The following TOMM70 variants were observed in gnomAD, a reference collection of about 807,000 sequenced individuals.
TOMM70 encodes translocase of outer mitochondrial membrane 70, also known as mitochondrial import receptor subunit TOM70.
In TOMM70, 13 loss-of-function variants were observed where a neutral mutation model predicts 73.6. The ratio of observed to expected loss-of-function variants is 0.18; its 90% CI spans 0.11 to 0.28. The LOEUF (loss-of-function observed/expected upper bound fraction) is 0.28, where lower values mean the gene tolerates loss of function less well. Among genes scored for constraint, TOMM70 ranks in the 10% least tolerant of loss-of-function variants. The pLI, the probability that TOMM70 is intolerant of heterozygous loss-of-function variation, is 1.00. For synonymous variants in TOMM70, 257 were observed against 271.2 expected, an observed-to-expected ratio of 0.95 and a Z score of 0.51; for missense variants, 609 against 747.5, an observed-to-expected ratio of 0.81 and a Z score of 2.16.
chr3:100,375,248 A>G, intron 6 of TOMM70, 96 bp from the exon 7 acceptor site: 1 of 1,402,132 alleles, frequency 7.1e-7, no homozygotes, highest in Non-Finnish European at 9.4e-7. Flanking sequence ...TCCACATATC[A>G]CAAAGGTCAC....
At position 100,369,093 on chromosome 3, in the gene TOMM70, A is replaced by T; in HGVS notation, c.1495T>A (p.Tyr499Asn). The T allele has an allele frequency of 6.2e-7, 1 of 1,613,580 alleles. No homozygotes were observed. The highest frequency in any genetic ancestry group is 8.5e-7 in the Non-Finnish European group (1 of 1,179,732). ...QQQFGKADEM[Y>N]DKCIDLEPDN... ...GGTTCCAAATCAATACATTTATCAT[A>T]CATTTCATCAGCTTTACCAAACTGT... is the stretch of plus-strand genomic sequence containing the variant. Residue 499 changes from tyrosine to asparagine, a missense_variant, in exon 10 of 12, where the codon TAT (tyrosine) becomes AAT (asparagine). Around this residue, in one of 2 missense-constraint regions of TOMM70, gnomAD observed 432 missense variants for 584.1 expected, o/e 0.74. Transcript: ENST00000284320.
In TOMM70 at chr3:100,387,030, G is replaced by A. The variant is rs963348150; in HGVS notation, c.325-52C>T. 4 of 1,557,610 alleles carry A rather than the reference G, an allele frequency of 2.6e-6. No homozygotes were observed. The African/African-American group carries it at 4.1e-5, about 16-fold the overall frequency. On this transcript the variant is annotated intron_variant, in intron 1 of 11. Transcript: ENST00000284320. ...ACACTAATCAACATTCACAGACTCA[G>A]ACCACAGTAATTAAACAATAAATTG...
chr3:100,393,474 T>TA (rs150068388), intron 1 of TOMM70, among the ~76,000 whole-genome samples: 17,054 of 151,174 alleles, frequency 0.11, 1,451 homozygotes, highest in African/African-American at 0.24. Context: ...TGTAAGTGAT[T>TA]AAAAAAAAAC....
intron 1 of TOMM70, among the ~76,000 whole-genome samples, chr3:100,400,047 C>A (rs926464154): frequency 3.3e-5 from 5 of 152,136 alleles, no homozygotes; most frequent in Admixed American, 6.5e-5. Context: ...AAAACAAATG[C>A]CACTGAACAC....
intron 1 of TOMM70, among the ~76,000 whole-genome samples, chr3:100,390,773 G>A (rs1239176411): frequency 6.6e-6 from 1 of 151,980 alleles, no homozygotes; most frequent in Admixed American, 6.6e-5. Context: ...AGGTTGTAGT[G>A]AGCCAAGATT....
chr3:100,373,986 T>C (rs1706537170), intron 7 of TOMM70, among the ~76,000 whole-genome samples: 1 of 152,202 alleles, frequency 6.6e-6, no homozygotes, highest in African/African-American at 2.4e-5. Flanking sequence ...ACCTTTCAAA[T>C]TAATCTTCAG....
chr3:100,365,251 T>TAA lies in TOMM70; in HGVS notation c.*311_*312dup. 2.4e-5 allele frequency: 6 copies of TAA among 245,902 alleles called. No homozygotes were observed. The highest frequency in any genetic ancestry group is 9.8e-5 in the South Asian group (1 of 10,158). The allele number at this position is 245,902 out of a possible 1,614,324, so 15.2% of individuals were successfully genotyped here. Reference sequence around the variant, plus strand: ...AACATAATCAACTGCCAACCCCCCTTAAAAAAAAAATCAACAAATCAGTTT... The same window carrying TAA: ...AACATAATCAACTGCCAACCCCCCTTAAAAAAAAAAAATCAACAAATCAGTTT... On this transcript the variant is annotated 3_prime_UTR_variant, in exon 12 of 12. Coordinates refer to ENST00000284320, the MANE Select transcript of TOMM70 (RefSeq NM_014820.5).
intron 5 of TOMM70, among the ~76,000 whole-genome samples, chr3:100,378,758 G>C (rs1248430060): frequency 1.3e-5 from 2 of 152,214 alleles, no homozygotes; most frequent in Non-Finnish European, 2.9e-5. Context: ...TGTAATCCCA[G>C]CACTTTGGGA....
At chr3:100,389,027 A>G (rs1379496625) in intron 1 of TOMM70, among the ~76,000 whole-genome samples, 2 of 148,688 alleles carry the variant, frequency 1.3e-5, no homozygotes, top group African/African-American at 2.6e-5. Context: ...AAGGAAAGGC[A>G]TAGAAAAAAA....
Position 100,387,599 on chromosome 3 carries a change from GACACACACACAC to G in TOMM70, c.325-633_325-622del, listed in dbSNP as rs71752325. 1.7e-4 allele frequency among the ~76,000 whole-genome samples: 20 copies of G among 118,216 alleles called. 1 individual carries two copies. Among genetic ancestry groups the G allele is most frequent in the East Asian group, 2.3e-4 (1 of 4,280 alleles). 77.6% of individuals were successfully genotyped at this position (118,216 alleles called of 152,430 possible). A position where few individuals can be genotyped will look rare whatever the true frequency, so the allele number is the denominator to read the frequency against. Reference sequence around the variant, plus strand: ...GCTAAAAGACACAGACACAGACACAGACACACACACACACACACACACACACACACACACACG... The same window carrying G: ...GCTAAAAGACACAGACACAGACACAGACACACACACACACACACACACACG... On this transcript the variant is annotated intron_variant, in intron 1 of 11. Coordinates refer to ENST00000284320, the MANE Select transcript of TOMM70 (RefSeq NM_014820.5).
Position 100,400,656 on chromosome 3 carries a change from G to T in TOMM70, c.294C>A (p.His98Gln), listed in dbSNP as rs1280693770. 5 of 1,612,382 alleles carry T rather than the reference G, an allele frequency of 3.1e-6. No individual in the cohort carries two copies. Among genetic ancestry groups the T allele is most frequent in the South Asian group, 1.1e-5 (1 of 90,994 alleles). The change falls in exon 1 of 12, where the codon CAC (histidine) becomes CAA (glutamine). Residue 98 changes from histidine to glutamine, a missense_variant. This residue lies in a region of TOMM70 where 177 missense variants were observed against 163.5 expected (regional missense o/e 1.08). Coordinates refer to ENST00000284320, the MANE Select transcript of TOMM70 (RefSeq NM_014820.5). Reference protein sequence around the residue: ...GRASPAPGSGHPEGPGAHLDM... With the variant: ...GRASPAPGSGQPEGPGAHLDM... ...CCAAGTGAGCACCGGGACCTTCAGG[G>T]TGTCCGCTGCCCGGGGCCGGACTGG...
intron 4 of TOMM70, among the ~76,000 whole-genome samples, chr3:100,384,006 G>C (rs1269206380): frequency 6.6e-6 from 1 of 152,124 alleles, no homozygotes; most frequent in Non-Finnish European, 1.5e-5. Flanking sequence ...GTTAATAATA[G>C]CCTAAAACTA....
intron 5 of TOMM70, 108 bp downstream of exon 5, chr3:100,381,500 CTATCTGT>C: frequency 1.5e-6 from 1 of 649,582 alleles, no homozygotes; most frequent in Non-Finnish European, 2.3e-6. Flanking sequence ...CTGTCTATCT[CTATCTGT>C]AGATAGATAG....
intron 1 of TOMM70, among the ~76,000 whole-genome samples, chr3:100,393,325 C>G (rs1706784650): frequency 6.6e-6 from 1 of 152,116 alleles, no homozygotes; most frequent in Non-Finnish European, 1.5e-5. Context: ...GGCCAATATC[C>G]TAAGTGAAGT....
intron 5 of TOMM70, 83 bp downstream of exon 5, chr3:100,381,532 T>C: frequency 8.5e-7 from 1 of 1,179,950 alleles, no homozygotes; most frequent in Non-Finnish European, 1.1e-6. Flanking sequence ...TGTTGTGAGA[T>C]GGCTCAGAAC....
chr3:100,373,624 C>T lies in TOMM70; in HGVS notation c.1249G>A (p.Val417Ile). ...TCAAAATCTGCCACTGCTTCTTCAA[C>T]TTGATCAAGGAGTATTTTCAGCTAA... ...RGQLKILLDQVEEAVADFDEC... is the reference protein window; with the variant it reads ...RGQLKILLDQIEEAVADFDEC... The change falls in exon 8 of 12, where the codon GTT becomes ATT. Residue 417 changes from valine to isoleucine, a missense_variant. Coordinates refer to ENST00000284320, the MANE Select transcript of TOMM70 (RefSeq NM_014820.5). The T allele has an allele frequency of 6.2e-7, 1 of 1,612,856 alleles. No individual in the cohort carries two copies. Among genetic ancestry groups the T allele is most frequent in the African/African-American group, 1.3e-5 (1 of 74,930 alleles).
intron 4 of TOMM70, among the ~76,000 whole-genome samples, chr3:100,382,877 G>A (rs935518642): frequency 2.0e-5 from 3 of 152,020 alleles, no homozygotes; most frequent in Non-Finnish European, 2.9e-5. Context: ...GTCATTAAAC[G>A]TCTAGTATCA....
intron 1 of TOMM70, among the ~76,000 whole-genome samples, chr3:100,399,352 T>C (rs1706863041): frequency 6.6e-6 from 1 of 152,148 alleles, no homozygotes; most frequent in African/African-American, 2.4e-5. Flanking sequence ...GTGTATACAC[T>C]TGGATACAAT....
At chr3:100,399,684 A>G (rs201692426) in intron 1 of TOMM70, among the ~76,000 whole-genome samples, 23 of 152,294 alleles carry the variant, frequency 1.5e-4, no homozygotes, top group African/African-American at 5.3e-4. Flanking sequence ...GTGAAATGGA[A>G]AAACTGAATT....
Sources: gnomAD v4.1 joint callset for allele counts (sites outside exome capture counted in the v4.1 genomes callset) on GRCh38, gnomAD v4.1.1 for gene constraint, gnomAD v4.1.1 regional missense constraint, MANE v1.5 for transcripts, NCBI Gene and HGNC (gene_info 2026-07-23, HGNC 2026-07-21) for gene names.